The following COL26A1 variants were observed in gnomAD, a reference collection of about 807,000 sequenced individuals.
COL26A1 encodes collagen alpha-1(XXVI) chain.
A neutral mutation model predicts 59.3 loss-of-function variants in COL26A1; 41 were observed. That is an observed-to-expected ratio of 0.69 (90% CI 0.54 to 0.90). The LOEUF (loss-of-function observed/expected upper bound fraction) is 0.90. COL26A1 is among the 40% of genes least tolerant of loss of function. The pLI, the probability that COL26A1 is intolerant of heterozygous loss-of-function variation, is 0.00. For synonymous variants in COL26A1, 266 were observed against 256.0 expected, an observed-to-expected ratio of 1.04 and a Z score of -0.37; for missense variants, 612 against 602.3, an observed-to-expected ratio of 1.02 and a Z score of -0.17.
At chr7:101,532,281 G>C (rs576946373) in intron 3 of COL26A1, among the ~76,000 whole-genome samples, 44 of 152,156 alleles carry the variant, frequency 2.9e-4, no homozygotes, top group African/African-American at 1.0e-3. Flanking sequence ...TGCTGCCAGA[G>C]TGAGCATCTA....
intron 1 of COL26A1, among the ~76,000 whole-genome samples, chr7:101,402,663 C>A (rs1792040056): frequency 9.7e-6 from 1 of 103,170 alleles, no homozygotes; most frequent in African/African-American, 3.7e-5. Flanking sequence ...TCCTTCCTTC[C>A]CTCCCTCCCT....
chr7:101,492,159 G>T (rs1794474919), intron 3 of COL26A1, among the ~76,000 whole-genome samples: 1 of 152,126 alleles, frequency 6.6e-6, no homozygotes, highest in Non-Finnish European at 1.5e-5. Flanking sequence ...AATCCTCTTG[G>T]AAGTGACATT....
chr7:101,378,478 T>C (rs533432668), intron 1 of COL26A1, among the ~76,000 whole-genome samples: 3 of 152,280 alleles, frequency 2.0e-5, no homozygotes, highest in East Asian at 3.9e-4. Context: ...GCTGAGATTA[T>C]GCCGTTGCAC....
At chr7:101,525,171 CTTTTTTTTT>C (rs34881584) in intron 3 of COL26A1, among the ~76,000 whole-genome samples, 18 of 73,842 alleles carry the variant, frequency 2.4e-4, no homozygotes, top group African/African-American at 5.6e-4. Context: ...TGACTTCATT[CTTTTTTTTT>C]TTTTTTTTTT....
rs770329760 is a variant in COL26A1 at position 101,540,037 on chromosome 7, A to C, written c.592A>C (p.Thr198Pro). The change falls in exon 5 of 13, where the codon ACG becomes CCG. Residue 198 changes from threonine (T) to proline (P), a missense_variant. Coordinates refer to ENST00000313669, the MANE Select transcript of COL26A1 (RefSeq NM_001278563.3). Reference protein sequence around the residue: ...AHPVPRQRRPTGPAGPPGQTG... With the variant: ...AHPVPRQRRPPGPAGPPGQTG... Reference sequence around the variant, plus strand: ...CCCTGTGCCACGACAGAGAAGGCCCACGGGCCCAGCCGGTGAGTGAGGGCT... The same window carrying C: ...CCCTGTGCCACGACAGAGAAGGCCCCCGGGCCCAGCCGGTGAGTGAGGGCT... The C allele has an allele frequency of 1.8e-5, 29 of 1,612,486 alleles. No homozygotes were observed. In the Admixed American group the frequency reaches 2.3e-4, roughly 13 times the overall value.
At chr7:101,498,581 T>A (rs1389973600) in intron 3 of COL26A1, among the ~76,000 whole-genome samples, 1 of 152,192 alleles carries the variant, frequency 6.6e-6, no homozygotes, top group East Asian at 1.9e-4. Flanking sequence ...TTTGCCTTTC[T>A]TTGCATGAGA....
intron 3 of COL26A1, among the ~76,000 whole-genome samples, chr7:101,479,937 A>G (rs1161926789): frequency 6.6e-6 from 1 of 152,166 alleles, no homozygotes; most frequent in African/African-American, 2.4e-5. Context: ...CTATTTTGAA[A>G]TCTATAATAA....
chr7:101,387,770 A>ATTT (rs1304839639), intron 1 of COL26A1, among the ~76,000 whole-genome samples: 58 of 36,538 alleles, frequency 1.6e-3, no homozygotes, highest in Admixed American at 3.5e-3. Context: ...ATATATATAT[A>ATTT]TATATATATT....
rs114580670 is a variant in COL26A1, at chr7:101,537,912, T to C, written c.448-1981T>C. 9.3e-3 allele frequency among the ~76,000 whole-genome samples: 1,411 copies of C among 152,134 alleles called. 25 individuals are homozygous for C. The highest frequency in any genetic ancestry group is 0.033 in the African/African-American group (1,355 of 41,496). ...TAAATATGGCCATCTGAGTTCCCCT[T>C]GGGATACTGCAACCCACCCCCGCCA... On this transcript the variant is annotated intron_variant, in intron 4 of 12. Transcript: ENST00000313669.
chr7:101,551,984 A>G (rs947016645), intron 10 of COL26A1, among the ~76,000 whole-genome samples: 2 of 152,104 alleles, frequency 1.3e-5, no homozygotes, highest in South Asian at 2.1e-4. Context: ...AAAACTGGCC[A>G]CTAAGGCTCA....
intron 1 of COL26A1, among the ~76,000 whole-genome samples, chr7:101,367,016 C>T (rs1010353): frequency 0.58 from 87,654 of 151,476 alleles, 26,884 homozygotes; most frequent in African/African-American, 0.8. Flanking sequence ...GTGTAGTTAA[C>T]TTGATCTGCA....
At chr7:101,540,487 G>A (rs563458459) in intron 5 of COL26A1, among the ~76,000 whole-genome samples, 8 of 149,930 alleles carry the variant, frequency 5.3e-5, no homozygotes, top group African/African-American at 2.0e-4. Context: ...GCAGTGAGCC[G>A]AGATCACGCC....
At chr7:101,405,511 AAATGCTGATCCTCCCTG>A (rs1458228238) in intron 1 of COL26A1, among the ~76,000 whole-genome samples, 3 of 151,654 alleles carry the variant, frequency 2.0e-5, no homozygotes, top group Non-Finnish European at 2.9e-5. Context: ...TTTTTTCCCC[AAATGCTGATCCTCCCTG>A]AATGCTGGTC....
Position 101,493,757 on chromosome 7 carries a change from T to TAAAA in COL26A1, c.386-39302_386-39299dup, listed in dbSNP as rs57268952. Reference sequence around the variant, plus strand: ...TAACACAGTGAAACCCCATCTCTACTAAAAAAAAAAAAAAAAAAAAAAAAA... The same window carrying TAAAA: ...TAACACAGTGAAACCCCATCTCTACTAAAAAAAAAAAAAAAAAAAAAAAAAAAAA... On this transcript the variant is annotated intron_variant, in intron 3 of 12. Coordinates refer to ENST00000313669, the MANE Select transcript of COL26A1 (RefSeq NM_001278563.3). 1.1e-3 allele frequency among the ~76,000 whole-genome samples: 76 copies of TAAAA among 69,210 alleles called. 1 individual carries two copies. The highest frequency in any genetic ancestry group is 4.8e-3 in the African/African-American group (71 of 14,884). 45.4% of individuals were successfully genotyped at this position (69,210 alleles called of 152,430 possible).
intron 1 of COL26A1, among the ~76,000 whole-genome samples, chr7:101,380,318 C>G (rs1173669714): frequency 8.4e-6 from 1 of 118,796 alleles, no homozygotes; most frequent in Non-Finnish European, 1.7e-5. Flanking sequence ...TTTTTTGAAA[C>G]AGAGTCTCTC....
chr7:101,405,729 T>C (rs754942930), intron 1 of COL26A1, among the ~76,000 whole-genome samples: 3 of 152,172 alleles, frequency 2.0e-5, no homozygotes, highest in Non-Finnish European at 2.9e-5. Context: ...CTCCTATTAA[T>C]GGCGGTAGTT....
intron 1 of COL26A1, among the ~76,000 whole-genome samples, chr7:101,398,775 G>T (rs561118467): frequency 1.3e-5 from 2 of 152,266 alleles, no homozygotes; most frequent in East Asian, 3.9e-4. Context: ...CGCTGCAGAG[G>T]AGGGGGTCGA....
intron 2 of COL26A1, among the ~76,000 whole-genome samples, chr7:101,424,670 G>A (rs1012465815): frequency 6.6e-6 from 1 of 152,170 alleles, no homozygotes; most frequent in African/African-American, 2.4e-5. Context: ...ACTCATAAAT[G>A]AGCTAGAATT....
intron 4 of COL26A1, among the ~76,000 whole-genome samples, chr7:101,535,134 ACAGGCCTGGGAT>A (rs1213547729): frequency 3.9e-5 from 6 of 151,942 alleles, no homozygotes; most frequent in Non-Finnish European, 7.4e-5. Flanking sequence ...GCCCCTGGGC[ACAGGCCTGGGAT>A]GGGAGAGACC....
Sources: allele counts gnomAD v4.1 joint callset (sites outside exome capture counted in the v4.1 genomes callset), GRCh38; gene constraint gnomAD v4.1.1; transcripts MANE v1.5; gene names NCBI Gene and HGNC (gene_info 2026-07-23, HGNC 2026-07-21).